The following PTH2R variants were observed in gnomAD, a reference collection of about 807,000 sequenced individuals.
PTH2R encodes parathyroid hormone 2 receptor.
Under a neutral mutation model 60.3 loss-of-function variants are expected in PTH2R, and 59 were observed. That is an observed-to-expected ratio of 0.98 (90% confidence interval 0.79 to 1.22). PTH2R has a LOEUF of 1.22. Among genes scored for constraint, PTH2R ranks in the 50% most tolerant of loss-of-function variants. The pLI is 0.00. For missense variants in PTH2R, 749 were observed against 682.6 expected (o/e 1.10, Z -1.08); for synonymous variants, 256 against 243.8 (o/e 1.05, Z -0.47).
intron 2 of PTH2R, among the ~76,000 whole-genome samples, chr2:208,430,981 T>C (rs1030880): frequency 0.033 from 5,032 of 152,244 alleles, 261 homozygotes; most frequent in African/African-American, 0.11. Context: ...TATTCGGTGA[T>C]TGGAATGTTT....
At chr2:208,488,206 G>T (rs1426821207) in intron 10 of PTH2R, among the ~76,000 whole-genome samples, 2 of 152,062 alleles carry the variant, frequency 1.3e-5, no homozygotes, top group Non-Finnish European at 2.9e-5. Flanking sequence ...AGACCTAAAG[G>T]CACCTTGAGA....
At chr2:208,483,439 C>A (rs1703203103) in intron 10 of PTH2R, among the ~76,000 whole-genome samples, 1 of 152,134 alleles carries the variant, frequency 6.6e-6, no homozygotes, top group South Asian at 2.1e-4. Flanking sequence ...CTGCTTATTT[C>A]TTTAATTCTG....
chr2:208,402,248 T>C (rs185872084), upstream of PTH2R, among the ~76,000 whole-genome samples: 5 of 152,352 alleles, frequency 3.3e-5, no homozygotes, highest in East Asian at 9.6e-4. Context: ...CTCACTATCC[T>C]GGAAGACTTC....
chr2:208,373,352 G>C (rs1462045893), intron 1 of PTH2R, among the ~76,000 whole-genome samples: 1 of 152,020 alleles, frequency 6.6e-6, no homozygotes, highest in Non-Finnish European at 1.5e-5. Context: ...GCAATGAAGA[G>C]ATAATATTGC....
chr2:208,444,833 G>C lies in PTH2R; in HGVS notation c.799G>C (p.Val267Leu). The change falls in exon 7 of 13, where the codon GTG (valine) becomes CTG (leucine). Residue 267 changes from valine to leucine, a missense_variant. Val to Leu is a conservative substitution (Grantham distance 32). Transcript: ENST00000272847. ...EGLYLHNLIF[V>L]AFFSDTKYLW... Reference sequence around the variant, plus strand: ...TCTCTACCTGCATAATCTCATCTTTGTGGCTTTCTTTTCGGACACCAAATA... The same window carrying C: ...TCTCTACCTGCATAATCTCATCTTTCTGGCTTTCTTTTCGGACACCAAATA... 2 of 1,613,884 alleles carry C rather than the reference G, an allele frequency of 1.2e-6. No homozygotes were observed. The highest frequency in any genetic ancestry group is 2.2e-5 in the South Asian group (2 of 91,060).
intron 1 of PTH2R, among the ~76,000 whole-genome samples, chr2:208,389,239 C>G (rs987671396): frequency 7.2e-6 from 1 of 139,596 alleles, no homozygotes; most frequent in Admixed American, 6.8e-5. Context: ...CACACACACA[C>G]ACACACACAC....
In PTH2R at chr2:208,459,966, G is replaced by A. The variant is rs757516396; in HGVS notation, c.981+5G>A. 1 of 1,611,648 alleles carries A rather than the reference G, an allele frequency of 6.2e-7. No individual in the cohort carries two copies. Among genetic ancestry groups the A allele is most frequent in the Admixed American group, 1.7e-5 (1 of 59,588 alleles). The stretch of plus-strand genomic sequence containing the variant: ...CCGATCTTAGCAGCTATTGGGGTAA[G>A]TTTAAAAGTTTGTATAGTTAAAAAA... On this transcript the variant is annotated splice_donor_5th_base_variant and intron_variant, in intron 9 of 12. Coordinates refer to ENST00000272847, the MANE Select transcript of PTH2R (RefSeq NM_005048.4).
In PTH2R at chr2:208,407,135, C is replaced by T. The variant is rs147261596; in HGVS notation, c.75+17C>T. On this transcript the variant is annotated intron_variant, in intron 1 of 12. Transcript: ENST00000272847. ...AGAGCCCAGGTAAGAGCCAGTGCTC[C>T]GCGACACCTGTTTTCGCGGAGCCTC... 4 of 1,402,918 alleles carry T rather than the reference C, an allele frequency of 2.9e-6. No individual in the cohort carries two copies. Among genetic ancestry groups the T allele is most frequent in the South Asian group, 1.8e-5 (1 of 54,840 alleles). The allele number at this position is 1,402,918 out of a possible 1,614,324, so 86.9% of individuals were successfully genotyped here.
chr2:208,376,882 ATTTT>A (rs924071846), intron 1 of PTH2R, among the ~76,000 whole-genome samples: 2 of 150,210 alleles, frequency 1.3e-5, no homozygotes, highest in African/African-American at 4.9e-5. Context: ...TAATTAATTA[ATTTT>A]TTTTTATTGA....
At position 208,467,185 on chromosome 2, in the gene PTH2R, T is replaced by C. The variant is rs1000709807; in HGVS notation, c.981+7224T>C. Among the ~76,000 whole-genome samples, 3 of 152,178 alleles carry C rather than the reference T, an allele frequency of 2.0e-5. No homozygotes were observed. The East Asian group carries it at 5.8e-4, about 29-fold the overall frequency. ...CTGTAACTTTGTTCTCTGATGCATTTTAAAAAGTTAAAAAAATTTTTGTCA... is the reference window on the plus strand; with the variant it reads ...CTGTAACTTTGTTCTCTGATGCATTCTAAAAAGTTAAAAAAATTTTTGTCA... On this transcript the variant is annotated intron_variant, in intron 9 of 12. Transcript: ENST00000272847.
intron 1 of PTH2R, among the ~76,000 whole-genome samples, chr2:208,384,039 G>C (rs1166127723): frequency 6.6e-6 from 1 of 152,160 alleles, no homozygotes; most frequent in African/African-American, 2.4e-5. Context: ...AAATGTTTCT[G>C]CCTAATATTT....
At chr2:208,487,553 A>G (rs1387581428) in intron 10 of PTH2R, among the ~76,000 whole-genome samples, 1 of 152,220 alleles carries the variant, frequency 6.6e-6, no homozygotes, top group Non-Finnish European at 1.5e-5. Flanking sequence ...AGTATGCTTG[A>G]GGGTGCTAGC....
chr2:208,371,004 G>C (rs1270010082), intron 1 of PTH2R, among the ~76,000 whole-genome samples: 2 of 151,900 alleles, frequency 1.3e-5, no homozygotes, highest in African/African-American at 4.8e-5. Flanking sequence ...GGGGTGCCAG[G>C]CTCTTTAAAC....
chr2:208,451,859 G>T (rs1702413912), intron 8 of PTH2R, among the ~76,000 whole-genome samples: 2 of 151,758 alleles, frequency 1.3e-5, no homozygotes, highest in Non-Finnish European at 1.5e-5. Flanking sequence ...ATGTATCATG[G>T]TACACCTAAT....
At chr2:208,491,167 C>T (rs1703397042) in intron 12 of PTH2R, among the ~76,000 whole-genome samples, 1 of 151,956 alleles carries the variant, frequency 6.6e-6, no homozygotes, top group Non-Finnish European at 1.5e-5. Context: ...TTTAATATGC[C>T]CTGCTGTTGG....
At chr2:208,367,386 A>G (rs1375884875) in intron 1 of PTH2R, among the ~76,000 whole-genome samples, 1 of 151,002 alleles carries the variant, frequency 6.6e-6, no homozygotes, top group Non-Finnish European at 1.5e-5. Context: ...TCACTCCTTC[A>G]AATTTAATTC....
chr2:208,396,800 T>C (rs1489725249), intron 1 of PTH2R, among the ~76,000 whole-genome samples: 1 of 152,132 alleles, frequency 6.6e-6, no homozygotes, highest in East Asian at 1.9e-4. Context: ...GCGATCCCAT[T>C]ACAGGGTATA....
intron 10 of PTH2R, among the ~76,000 whole-genome samples, chr2:208,487,126 G>T (rs770850718): frequency 6.6e-6 from 1 of 152,184 alleles, no homozygotes; most frequent in Non-Finnish European, 1.5e-5. Flanking sequence ...TGTCAAGAGG[G>T]TTATGATAGG....
At chr2:208,402,838 C>T (rs903862201), upstream of PTH2R, among the ~76,000 whole-genome samples, 1 of 152,176 alleles carries the variant, frequency 6.6e-6, no homozygotes, top group Admixed American at 6.5e-5. Flanking sequence ...GTGCTTAGTA[C>T]ATCTGTGAAG....
Sources: gnomAD v4.1 joint callset for allele counts (sites outside exome capture counted in the v4.1 genomes callset) on GRCh38, gnomAD v4.1.1 for gene constraint, MANE v1.5 for transcripts, NCBI Gene and HGNC (gene_info 2026-07-23, HGNC 2026-07-21) for gene names.